TMEM63B: variants seen among roughly 807,000 people sequenced by gnomAD.
TMEM63B encodes the protein transmembrane protein 63B, also known as mechanosensitive cation channel TMEM63B.
Under a neutral mutation model 102.6 loss-of-function variants are expected in TMEM63B, and 23 were observed. The ratio of observed to expected loss-of-function variants is 0.22; its 90% CI spans 0.16 to 0.32. The LOEUF (loss-of-function observed/expected upper bound fraction) is 0.32. Among genes scored for constraint, TMEM63B ranks in the 10% least tolerant of loss-of-function variants. TMEM63B has a pLI of 1.00. For synonymous variants in TMEM63B, 444 were observed against 437.0 expected (o/e 1.02, Z -0.20); for missense variants, 628 against 1,095.9 (o/e 0.57, Z 6.03).
intron 20 of TMEM63B, 87 bp from the exon 21 acceptor site, chr6:44,153,589 C>A (rs1429271098): frequency 1.3e-6 from 2 of 1,498,160 alleles, no homozygotes; most frequent in African/African-American, 2.8e-5. Context: ...CCCTTCAGCA[C>A]TCTCAGGACC....
In TMEM63B at chr6:44,148,700, A is replaced by C; in HGVS notation, c.1259+50A>C. 1.2e-6 allele frequency: 2 copies of C among 1,611,388 alleles called. No homozygotes were observed. Among genetic ancestry groups the C allele is most frequent in the Non-Finnish European group, 1.7e-6 (2 of 1,177,906 alleles). ...GCTTTCCAGGGCCTGGGATGGGCTC[A>C]GTAGGTAGGCGGAGGAGAGGGAGTG... On this transcript the variant is annotated intron_variant, in intron 14 of 23. Transcript: ENST00000323267. This position sits in a 1 kb window ranked among gnomAD's most constrained non-coding sequence, Gnocchi z 5.1.
rs1374081524 is a variant in TMEM63B, at chr6:44,152,129, A to G, written c.1836+121A>G. The G allele has an allele frequency of 4.0e-6, 5 of 1,243,664 alleles. No homozygotes were observed. The African/African-American group carries it at 6.2e-5, about 15-fold the overall frequency. The allele number at this position is 1,243,664 out of a possible 1,614,324, so 77.0% of individuals were successfully genotyped here. On this transcript the variant is annotated intron_variant, in intron 19 of 23. Transcript: ENST00000323267. The surrounding 1 kb of genome is among the most constrained non-coding windows in gnomAD (Gnocchi z 6.4). Reference sequence around the variant, plus strand: ...GGCTGAGACTTGGGGAGTACAGTTGACTCACGGTGGATCCGGGCCATCCCC... The same window carrying G: ...GGCTGAGACTTGGGGAGTACAGTTGGCTCACGGTGGATCCGGGCCATCCCC...
Position 44,152,708 on chromosome 6 carries a change from G to T in TMEM63B, c.1942+10G>T. The T allele has an allele frequency of 6.2e-7, 1 of 1,600,130 alleles. No individual in the cohort carries two copies. ...ATCATCGTGCCCTTCGGTAGGCACC[G>T]CCGCGCCGGGACCTGGGCCCTGCTC... On this transcript the variant is annotated intron_variant, in intron 20 of 23. Coordinates refer to ENST00000323267, the MANE Select transcript of TMEM63B (RefSeq NM_018426.3). This position sits in a 1 kb window ranked among gnomAD's most constrained non-coding sequence, Gnocchi z 6.4.
Position 44,138,736 on chromosome 6 carries a change from G to GGCCCCCCCCCCC in TMEM63B, c.407+219_407+220insGCCCCCCCCCCC, listed in dbSNP as rs567563400. Reference sequence around the variant, plus strand: ...TAATCTCCTCTGTGACCCCCTGCCGGCCCCCCCGCTTCTCTCCCTGCCCTG... The same window carrying GGCCCCCCCCCCC: ...TAATCTCCTCTGTGACCCCCTGCCGGGCCCCCCCCCCCCCCCCCCGCTTCTCTCCCTGCCCTG... On this transcript the variant is annotated intron_variant, in intron 6 of 23. Coordinates refer to ENST00000323267, the MANE Select transcript of TMEM63B (RefSeq NM_018426.3). 5 of 288,720 alleles carry GGCCCCCCCCCCC rather than the reference G, an allele frequency of 1.7e-5. 1 individual carries two copies. The highest frequency in any genetic ancestry group is 3.5e-5 in the South Asian group (1 of 28,874). The allele number at this position is 288,720 out of a possible 1,614,324, so 17.9% of individuals were successfully genotyped here.
chr6:44,137,765 C>T lies in TMEM63B; in HGVS notation c.370-715C>T, dbSNP rs192294394. On this transcript the variant is annotated intron_variant, in intron 5 of 23. Coordinates refer to ENST00000323267, the MANE Select transcript of TMEM63B (RefSeq NM_018426.3). ...CCAGGCTAGGGTGCAGTGGTGTGAT[C>T]TCAGCTCACTGCAACCTCCGCCTCC... Among the ~76,000 whole-genome samples, 823 of 151,566 alleles carry T rather than the reference C, an allele frequency of 5.4e-3. 7 individuals carry two copies. The highest frequency in any genetic ancestry group is 9.0e-3 in the Non-Finnish European group (614 of 67,910).
intron 4 of TMEM63B, among the ~76,000 whole-genome samples, chr6:44,136,092 TGAA>T (rs1334141090): frequency 6.6e-6 from 1 of 152,176 alleles, no homozygotes; most frequent in African/African-American, 2.4e-5. Flanking sequence ...AGGGAGATGA[TGAA>T]GATTACCTCC....
intron 10 of TMEM63B, 146 bp downstream of exon 10, chr6:44,141,244 A>C: frequency 2.4e-6 from 2 of 835,562 alleles, no homozygotes; most frequent in Non-Finnish European, 3.6e-6. Flanking sequence ...GTCCGATTCC[A>C]GGGTGGTTTA....
At chr6:44,130,840 C>G (rs1778129230) in intron 1 of TMEM63B, among the ~76,000 whole-genome samples, 1 of 151,512 alleles carries the variant, frequency 6.6e-6, no homozygotes, top group South Asian at 2.1e-4. Flanking sequence ...CAGCCTCCAA[C>G]TCCTAGGCTC....
rs1766436571 is a variant in TMEM63B, at chr6:44,150,782, C to T, written c.1673+153C>T. 6.6e-6 allele frequency among the ~76,000 whole-genome samples: 1 copy of T among 152,176 alleles called. No homozygotes were observed. Among genetic ancestry groups the T allele is most frequent in the Admixed American group, 6.5e-5 (1 of 15,278 alleles). ...TCTGGCGGGGTTACCCCAAAGGCAC[C>T]CACAAGGTGTCTTGGGTGTGTATAC... On this transcript the variant is annotated intron_variant, in intron 18 of 23. Coordinates refer to ENST00000323267, the MANE Select transcript of TMEM63B (RefSeq NM_018426.3). This position sits in a 1 kb window ranked among gnomAD's most constrained non-coding sequence, Gnocchi z 4.7.
intron 1 of TMEM63B, among the ~76,000 whole-genome samples, chr6:44,131,230 T>A (rs1469997599): frequency 6.6e-6 from 1 of 151,982 alleles, no homozygotes; most frequent in Non-Finnish European, 1.5e-5. Context: ...TACTACTACT[T>A]TTATGCTCAC....
chr6:44,150,610 G>A lies in TMEM63B; in HGVS notation c.1654G>A (p.Glu552Lys). The change falls in exon 18 of 24, where the codon GAG becomes AAG. Residue 552 changes from glutamate (E) to lysine (K), a missense_variant. By Grantham distance (56) the Glu-to-Lys change is moderately conservative. This residue lies in a region of TMEM63B where 61 missense variants were observed against 176.0 expected (regional missense o/e 0.35). Transcript: ENST00000323267. This position sits in a 1 kb window ranked among gnomAD's most constrained non-coding sequence, Gnocchi z 4.7. ...RWLFDKKFLAEAAIRFECVFL... is the reference protein window; with the variant it reads ...RWLFDKKFLAKAAIRFECVFL... Reference sequence around the variant, plus strand: ...GCTCTTTGATAAGAAATTCTTGGCTGAGGCAGCTATTCGGTTTGAGTGAGT... The same window carrying A: ...GCTCTTTGATAAGAAATTCTTGGCTAAGGCAGCTATTCGGTTTGAGTGAGT... 2 of 1,614,142 alleles carry A rather than the reference G, an allele frequency of 1.2e-6. No homozygotes were observed. Among genetic ancestry groups the A allele is most frequent in the Non-Finnish European group, 1.7e-6 (2 of 1,180,012 alleles).
chr6:44,138,630 C>A, intron 6 of TMEM63B, 113 bp downstream of exon 6: 3 of 1,249,662 alleles, frequency 2.4e-6, no homozygotes, highest in Non-Finnish European at 3.5e-6. Context: ...CTCGCCAGCA[C>A]AGCACCCTCC....
In TMEM63B at chr6:44,151,930, G is replaced by A. The variant is rs1470171338; in HGVS notation, c.1758G>A (p.Leu586=). The A allele has an allele frequency of 6.2e-7, 1 of 1,613,568 alleles. No homozygotes were observed. Among genetic ancestry groups the A allele is most frequent in the Non-Finnish European group, 8.5e-7 (1 of 1,179,774 alleles). The change falls in exon 19 of 24, where the codon CTG becomes CTA. Residue 586 remains leucine (L), a synonymous_variant. Transcript: ENST00000323267. ...SAFIGNAMDL[L]RIPGLLMYMI... ...TTATCGGCAACGCCATGGACCTGCT[G>A]CGCATCCCAGGCCTGCTCATGTACA...
chr6:44,130,621 G>C (rs143782939), intron 1 of TMEM63B, among the ~76,000 whole-genome samples: 1 of 151,598 alleles, frequency 6.6e-6, no homozygotes, highest in African/African-American at 2.4e-5. Context: ...TGGTGGTGGG[G>C]GGTATCTTTT....
chr6:44,147,431 C>T lies in TMEM63B; in HGVS notation c.918C>T (p.Asn306=), dbSNP rs373403533. 21 of 1,614,082 alleles carry T rather than the reference C, an allele frequency of 1.3e-5. No individual in the cohort carries two copies. Among genetic ancestry groups the T allele is most frequent in the African/African-American group, 2.7e-5 (2 of 74,916 alleles). Reference sequence around the variant, plus strand: ...TCACAAACCTCCAGAGCAAGGAGAACGTGCCTACCATGATCAACCCCAAGC... The same window carrying T: ...TCACAAACCTCCAGAGCAAGGAGAATGTGCCTACCATGATCAACCCCAAGC... ...LYFTNLQSKE[N]VPTMINPKPC... The change falls in exon 12 of 24, where the codon AAC becomes AAT. Residue 306 remains asparagine (N), a synonymous_variant. Transcript: ENST00000323267.
chr6:44,154,665 T>C, intron 23 of TMEM63B, 27 bp from the exon 24 acceptor site: 1 of 1,513,830 alleles, frequency 6.6e-7, no homozygotes, highest in Non-Finnish European at 8.8e-7. Flanking sequence ...GCTGTTCACC[T>C]TGCCCCCATT....
At chr6:44,128,277 G>A (rs2096199) in intron 1 of TMEM63B, among the ~76,000 whole-genome samples, 37,873 of 152,082 alleles carry the variant, frequency 0.25, 5,069 homozygotes, top group African/African-American at 0.34. Context: ...CGGCGGGCTG[G>A]AGAGGCGGCC....
Position 44,150,313 on chromosome 6 carries a change from G to A in TMEM63B, c.1607+3G>A, listed in dbSNP as rs1240973967. ...CTACCCTCGCTGGGACTGAGCAGGTGAGTTGAGAAGGATGGGGCAGGAGCC... is the reference window on the plus strand; with the variant it reads ...CTACCCTCGCTGGGACTGAGCAGGTAAGTTGAGAAGGATGGGGCAGGAGCC... On this transcript the variant is annotated splice_donor_region_variant and intron_variant, in intron 17 of 23. Coordinates refer to ENST00000323267, the MANE Select transcript of TMEM63B (RefSeq NM_018426.3). This position sits in a 1 kb window ranked among gnomAD's most constrained non-coding sequence, Gnocchi z 4.7. 8 of 1,613,786 alleles carry A rather than the reference G, an allele frequency of 5.0e-6. No individual in the cohort carries two copies. The Admixed American group carries it at 6.7e-5, about 13-fold the overall frequency.
rs141215005 is a variant in TMEM63B, at chr6:44,145,500, G to T, written c.783-1347G>T. 3.0e-3 allele frequency among the ~76,000 whole-genome samples: 459 copies of T among 152,090 alleles called. 2 individuals are homozygous for T. Among genetic ancestry groups the T allele is most frequent in the Non-Finnish European group, 4.2e-3 (283 of 68,012 alleles). ...CCAGCTACTCAGAAGGCTGAAGCACGAGAATCACTTGAACCCGGGAAGCAA... is the reference window on the plus strand; with the variant it reads ...CCAGCTACTCAGAAGGCTGAAGCACTAGAATCACTTGAACCCGGGAAGCAA... On this transcript the variant is annotated intron_variant, in intron 10 of 23. Coordinates refer to ENST00000323267, the MANE Select transcript of TMEM63B (RefSeq NM_018426.3).
Sources: allele counts gnomAD v4.1 joint callset (sites outside exome capture counted in the v4.1 genomes callset), GRCh38; gene constraint gnomAD v4.1.1; regional missense constraint gnomAD v4.1.1; non-coding constraint Gnocchi (gnomAD v3.1); transcripts MANE v1.5; gene names NCBI Gene and HGNC (gene_info 2026-07-23, HGNC 2026-07-21).